Variants in WRN observed in about 807,000 individuals in gnomAD.
WRN encodes bifunctional 3'-5' exonuclease/ATP-dependent helicase WRN.
Under a neutral mutation model 180.7 loss-of-function variants are expected in WRN, and 149 were observed. The observed-to-expected ratio is 0.82, with a 90% CI of 0.72 to 0.94. The LOEUF is 0.94. Ranked by LOEUF, WRN falls within the 40% of genes least tolerant of loss-of-function variation. WRN has a pLI of 0.00. For synonymous variants in WRN, 548 were observed against 568.9 expected (o/e 0.96, Z 0.52); for missense variants, 1,661 against 1,700.1 (o/e 0.98, Z 0.40).
At chr8:31,104,236 A>G (rs1478499401) in intron 18 of WRN, among the ~76,000 whole-genome samples, 2 of 152,088 alleles carry the variant, frequency 1.3e-5, no homozygotes, top group African/African-American at 4.8e-5. Flanking sequence ...TGTTGTTGCA[A>G]CTGTTTTTTA....
At chr8:31,038,132 C>T (rs573338959) in intron 1 of WRN, among the ~76,000 whole-genome samples, 5 of 152,066 alleles carry the variant, frequency 3.3e-5, no homozygotes, top group Non-Finnish European at 7.4e-5. Context: ...CTTACTAGAT[C>T]ACATGGTAAG....
chr8:31,141,912 T>C lies in WRN; in HGVS notation c.3233+137T>C, dbSNP rs6982140. On this transcript the variant is annotated intron_variant, in intron 26 of 34. Coordinates refer to ENST00000298139, the MANE Select transcript of WRN (RefSeq NM_000553.6). Reference sequence around the variant, plus strand: ...TTTTTGTATGCCTATTTTAGTCAGTTTGGGGGAAGGGATCTGTGAGGAAAG... The same window carrying C: ...TTTTTGTATGCCTATTTTAGTCAGTCTGGGGGAAGGGATCTGTGAGGAAAG... 0.05 allele frequency: 42,241 copies of C among 848,172 alleles called. 1,275 individuals carry two copies. The highest frequency in any genetic ancestry group is 0.063 in the Non-Finnish European group (33,166 of 524,520). The allele number at this position is 848,172 out of a possible 1,614,324, so 52.5% of individuals were successfully genotyped here. A position where few individuals can be genotyped will look rare whatever the true frequency, so the allele number is the denominator to read the frequency against.
chr8:31,100,945 C>T lies in WRN; in HGVS notation c.2078C>T (p.Ala693Val), dbSNP rs760090174. Residue 693 changes from alanine to valine, a missense_variant, in exon 18 of 35, where the codon GCA becomes GTA. Ala to Val is a moderately conservative substitution (Grantham distance 64). Around this residue, in one of 3 missense-constraint regions of WRN, gnomAD observed 1,141 missense variants for 1,149.4 expected, o/e 0.99. Transcript: ENST00000298139. ...SFRKLGSLKT[A>V]LPMVPIVALT... Reference sequence around the variant, plus strand: ...AGGAAGTTGGGCTCCCTAAAGACAGCACTGCCAATGGTAAGCTTTGCCAAG... The same window carrying T: ...AGGAAGTTGGGCTCCCTAAAGACAGTACTGCCAATGGTAAGCTTTGCCAAG... 8.1e-6 allele frequency: 13 copies of T among 1,613,604 alleles called. No homozygotes were observed. Among genetic ancestry groups the T allele is most frequent in the African/African-American group, 8.0e-5 (6 of 74,890 alleles).
In WRN at chr8:31,174,579, G is replaced by A. The variant is rs958233254; in HGVS notation, c.*1477G>A. Among the ~76,000 whole-genome samples the A allele has an allele frequency of 4.6e-5, 7 of 152,164 alleles. No homozygotes were observed. Among genetic ancestry groups the A allele is most frequent in the African/African-American group, 1.7e-4 (7 of 41,452 alleles). On this transcript the variant is annotated 3_prime_UTR_variant, in exon 35 of 35. Coordinates refer to ENST00000298139, the MANE Select transcript of WRN (RefSeq NM_000553.6). Reference sequence around the variant, plus strand: ...TAAAATTGGAGATTTCTAGCAAAATGTATAATTTTGGAAAAGTTGTGTTCC... The same window carrying A: ...TAAAATTGGAGATTTCTAGCAAAATATATAATTTTGGAAAAGTTGTGTTCC...
chr8:31,153,689 G>A (rs113699408), intron 31 of WRN, among the ~76,000 whole-genome samples: 1,927 of 152,184 alleles, frequency 0.013, 43 homozygotes, highest in African/African-American at 0.044. Context: ...CATATATATA[G>A]CATGTAAAAA....
chr8:31,046,302 A>C (rs993893958), intron 1 of WRN, among the ~76,000 whole-genome samples: 3 of 152,160 alleles, frequency 2.0e-5, no homozygotes, highest in Admixed American at 6.5e-5. Context: ...GAGACTTTGG[A>C]GCTTTGATAA....
chr8:31,097,640 C>T (rs1383161957), intron 17 of WRN, among the ~76,000 whole-genome samples: 1 of 152,016 alleles, frequency 6.6e-6, no homozygotes, highest in Non-Finnish European at 1.5e-5. Flanking sequence ...TTGGCCGAGC[C>T]TGGTGGTGCA....
intron 16 of WRN, among the ~76,000 whole-genome samples, chr8:31,094,580 C>T (rs530382114): frequency 6.6e-6 from 1 of 152,202 alleles, no homozygotes; most frequent in African/African-American, 2.4e-5. Flanking sequence ...CTCCTGGGCT[C>T]AAGTAATTGT....
intron 24 of WRN, among the ~76,000 whole-genome samples, chr8:31,133,506 C>T (rs773866409): frequency 2.2e-4 from 33 of 150,010 alleles, no homozygotes; most frequent in Non-Finnish European, 4.0e-4. Flanking sequence ...GCCTGCGCGA[C>T]AGAGCAAGAT....
In WRN at chr8:31,077,818, T is replaced by A. The variant is rs11574216; in HGVS notation, c.839+1531T>A. Among the ~76,000 whole-genome samples the A allele has an allele frequency of 7.9e-5, 12 of 152,328 alleles. No individual in the cohort carries two copies. In the East Asian group the frequency reaches 2.1e-3, roughly 27 times the overall value. Reference sequence around the variant, plus strand: ...AAGCAAGAATTAAATTTGAGGCATATACACAGACTGGGTGTCCTTGGTATC... The same window carrying A: ...AAGCAAGAATTAAATTTGAGGCATAAACACAGACTGGGTGTCCTTGGTATC... On this transcript the variant is annotated intron_variant, in intron 8 of 34. Coordinates refer to ENST00000298139, the MANE Select transcript of WRN (RefSeq NM_000553.6).
At chr8:31,062,028 C>G (rs1812504675) in intron 3 of WRN, among the ~76,000 whole-genome samples, 1 of 152,168 alleles carries the variant, frequency 6.6e-6, no homozygotes, top group African/African-American at 2.4e-5. Flanking sequence ...AACTCTGTCT[C>G]CCCAACTCAG....
intron 16 of WRN, among the ~76,000 whole-genome samples, chr8:31,092,666 G>A (rs1408472630): frequency 6.6e-6 from 1 of 151,018 alleles, no homozygotes; most frequent in African/African-American, 2.4e-5. Context: ...ACTGAGTTTT[G>A]ATAAATGCAT....
chr8:31,146,430 TA>T (rs1802860127), intron 28 of WRN, among the ~76,000 whole-genome samples: 1 of 152,024 alleles, frequency 6.6e-6, no homozygotes, highest in South Asian at 2.1e-4. Flanking sequence ...GTCTTTGTTT[TA>T]TTTTCTTGGT....
chr8:31,147,552 A>C (rs1427718572), intron 30 of WRN, 76 bp downstream of exon 30: 95 of 1,334,370 alleles, frequency 7.1e-5, no homozygotes, highest in Non-Finnish European at 4.2e-6. Context: ...TAAGTTGATA[A>C]TATGACCATA....
chr8:31,147,328 A>T (rs764831981), intron 29 of WRN, 36 bp from the exon 30 acceptor site: 1 of 1,596,570 alleles, frequency 6.3e-7, no homozygotes, highest in Non-Finnish European at 8.6e-7. Context: ...TTTTAAGTAC[A>T]CTTTAAAAAG....
intron 19 of WRN, among the ~76,000 whole-genome samples, chr8:31,112,546 T>C (rs1221002681): frequency 1.3e-5 from 2 of 151,566 alleles, no homozygotes; most frequent in Non-Finnish European, 1.5e-5. Context: ...TAAATATATA[T>C]GTTAAGAAGT....
In WRN at chr8:31,173,155, T is replaced by C; in HGVS notation, c.*53T>C. On this transcript the variant is annotated 3_prime_UTR_variant, in exon 35 of 35. Transcript: ENST00000298139. ...TCTTGCTGTATTATAAGAGGATAGCTATATTTTATTTCTGAAGAGTAAGGA... is the reference window on the plus strand; with the variant it reads ...TCTTGCTGTATTATAAGAGGATAGCCATATTTTATTTCTGAAGAGTAAGGA... 6.6e-7 allele frequency: 1 copy of C among 1,510,598 alleles called. No individual in the cohort carries two copies. Among genetic ancestry groups the C allele is most frequent in the Non-Finnish European group, 9.2e-7 (1 of 1,089,100 alleles). The allele number at this position is 1,510,598 out of a possible 1,614,324, so 93.6% of individuals were successfully genotyped here.
At chr8:31,092,463 A>T (rs529758998) in intron 16 of WRN, among the ~76,000 whole-genome samples, 1 of 151,154 alleles carries the variant, frequency 6.6e-6, no homozygotes, top group African/African-American at 2.4e-5. Context: ...GTGTGTGTAT[A>T]TGTACACACA....
chr8:31,138,546 T>G (rs540178251), intron 24 of WRN, among the ~76,000 whole-genome samples: 1 of 152,310 alleles, frequency 6.6e-6, no homozygotes, highest in East Asian at 1.9e-4. Flanking sequence ...ATCTCTAGAC[T>G]TGTTTATGCT....
Sources: gnomAD v4.1 joint callset for allele counts (sites outside exome capture counted in the v4.1 genomes callset) on GRCh38, gnomAD v4.1.1 for gene constraint, gnomAD v4.1.1 regional missense constraint, MANE v1.5 for transcripts, NCBI Gene and HGNC (gene_info 2026-07-23, HGNC 2026-07-21) for gene names.